Variants in WDFY4 observed in about 807,000 individuals in gnomAD.
The protein encoded by WDFY4 is WDFY family member 4, also known as WD repeat- and FYVE domain-containing protein 4.
Under a neutral mutation model 351.9 loss-of-function variants are expected in WDFY4, and 169 were observed. The observed-to-expected ratio is 0.48, with a 90% CI of 0.42 to 0.55. WDFY4 has a LOEUF of 0.55. Among genes scored for constraint, WDFY4 ranks in the 20% least tolerant of loss-of-function variants. WDFY4 has a pLI of 0.00. For synonymous variants in WDFY4, 1,622 were observed against 1,574.6 expected (o/e 1.03, Z -0.71); for missense variants, 3,803 against 3,935.6 (o/e 0.97, Z 0.90).
In WDFY4 at chr10:48,810,606, AC is replaced by A. The variant is rs1258997355; in HGVS notation, c.4917del (p.Thr1640LeufsTer5). On this transcript the variant is annotated frameshift_variant, in exon 29 of 62. Coordinates refer to ENST00000325239, the MANE Select transcript of WDFY4 (RefSeq NM_001394531.1). LOFTEE classifies it high-confidence loss of function. Reference sequence around the variant, plus strand: ...CCTGCAGGGCCACCTGCATGCCAGCACCACTGTGCTGGCATTGAAGCTGCTG... The same window carrying A: ...CCTGCAGGGCCACCTGCATGCCAGCACACTGTGCTGGCATTGAAGCTGCTG... ...LLLQGHLHAS[T>X]TVLALKLLLY... The A allele has an allele frequency of 7.7e-6, 12 of 1,551,378 alleles. No individual in the cohort carries two copies. The Admixed American group carries it at 2.4e-4, about 30-fold the overall frequency.
At chr10:48,809,310 T>A (rs1163218778) in intron 28 of WDFY4, among the ~76,000 whole-genome samples, 1 of 141,360 alleles carries the variant, frequency 7.1e-6, no homozygotes, top group Non-Finnish European at 1.5e-5. Context: ...ATCATCACCA[T>A]CACCATCATC....
At chr10:48,692,306 C>G (rs1240878557) in intron 1 of WDFY4, among the ~76,000 whole-genome samples, 2 of 152,208 alleles carry the variant, frequency 1.3e-5, no homozygotes, top group South Asian at 4.1e-4. Context: ...GCCAGGACAC[C>G]TTTACCCTAT....
At chr10:48,741,308 T>A (rs1416971207) in intron 11 of WDFY4, among the ~76,000 whole-genome samples, 1 of 151,790 alleles carries the variant, frequency 6.6e-6, no homozygotes, top group African/African-American at 2.4e-5. Flanking sequence ...CACTGTTAGG[T>A]TAGGGTGCCA....
chr10:48,741,861 A>G (rs932618811), intron 11 of WDFY4, among the ~76,000 whole-genome samples: 1 of 152,180 alleles, frequency 6.6e-6, no homozygotes, highest in Non-Finnish European at 1.5e-5. Flanking sequence ...GGAACCCACA[A>G]GGTTGTCCAC....
chr10:48,869,876 G>A (rs1002022275), intron 40 of WDFY4, among the ~76,000 whole-genome samples: 2 of 152,098 alleles, frequency 1.3e-5, no homozygotes, highest in Non-Finnish European at 2.9e-5. Context: ...TACTCATCGA[G>A]TATTTATCAC....
intron 12 of WDFY4, among the ~76,000 whole-genome samples, chr10:48,750,773 C>G (rs2065159181): frequency 6.6e-6 from 1 of 152,250 alleles, no homozygotes; most frequent in Admixed American, 6.5e-5. Flanking sequence ...CTAATAAAGG[C>G]ACTGTACATC....
intron 2 of WDFY4, among the ~76,000 whole-genome samples, chr10:48,719,733 C>T (rs549557446): frequency 6.6e-6 from 1 of 152,312 alleles, no homozygotes; most frequent in Admixed American, 6.5e-5. Flanking sequence ...ACGCCAGATG[C>T]AGCAGGCTGT....
At chr10:48,803,088 C>T (rs536186707) in intron 24 of WDFY4, among the ~76,000 whole-genome samples, 198 bp from the exon 25 acceptor site, 21 of 152,136 alleles carry the variant, frequency 1.4e-4, no homozygotes, top group Middle Eastern at 3.2e-3. Flanking sequence ...GCAGAGATGG[C>T]GAGAGAAGGC....
intron 6 of WDFY4, among the ~76,000 whole-genome samples, chr10:48,726,563 G>A (rs1342500971): frequency 6.6e-6 from 1 of 152,168 alleles, no homozygotes; most frequent in African/African-American, 2.4e-5. Context: ...AGGGGTTAAG[G>A]CCAAAGACTC....
rs763615455 is a variant in WDFY4, at chr10:48,743,079, C to T, written c.1990C>T (p.Pro664Ser). Reference protein sequence around the residue: ...LSDLEGSLQEPPLQAWGAVSP... With the variant: ...LSDLEGSLQESPLQAWGAVSP... Reference sequence around the variant, plus strand: ...TGACCTGGAAGGCTCCCTCCAGGAGCCCCCGCTGCAGGCATGGGGAGCAGT... The same window carrying T: ...TGACCTGGAAGGCTCCCTCCAGGAGTCCCCGCTGCAGGCATGGGGAGCAGT... The change falls in exon 12 of 62, where the codon CCC (proline) becomes TCC (serine). Residue 664 changes from proline (P) to serine (S), a missense_variant. Transcript: ENST00000325239. 1.3e-6 allele frequency: 2 copies of T among 1,551,694 alleles called. No individual in the cohort carries two copies. Among genetic ancestry groups the T allele is most frequent in the Non-Finnish European group, 1.7e-6 (2 of 1,147,002 alleles).
intron 24 of WDFY4, among the ~76,000 whole-genome samples, chr10:48,800,733 T>TCTTTC (rs758793039): frequency 8.2e-5 from 12 of 145,702 alleles, no homozygotes; most frequent in East Asian, 8.0e-4. Context: ...ATTCTTTCTT[T>TCTTTC]TTTTTTTTTT....
chr10:48,836,561 C>T (rs1008009460), intron 39 of WDFY4, among the ~76,000 whole-genome samples: 1 of 152,216 alleles, frequency 6.6e-6, no homozygotes, highest in Non-Finnish European at 1.5e-5. Flanking sequence ...TGGAGTGAGA[C>T]ATATGATATA....
chr10:48,728,481 G>C (rs2064343359), intron 7 of WDFY4, among the ~76,000 whole-genome samples: 1 of 152,168 alleles, frequency 6.6e-6, no homozygotes, highest in Admixed American at 6.5e-5. Context: ...GGCTTTGCTG[G>C]GCGAGAATGA....
Position 48,726,067 on chromosome 10 carries a change from C to A in WDFY4, c.778C>A (p.Gln260Lys). ...GAACCTCAGCATCATCCAGTACCTG[C>A]AGGGTATGGCCCGGGAAATTAGATG... is the stretch of plus-strand genomic sequence containing the variant. ...AQNLSIIQYL[Q>K]ATDCVRLSLQ... is the part of the protein sequence containing the mutation. Residue 260 changes from glutamine (Q) to lysine (K), a missense_variant, in exon 6 of 62, where the codon CAG (glutamine) becomes AAG (lysine). By Grantham distance (53) the Gln-to-Lys change is moderately conservative. This residue lies in a region of WDFY4 where 488 missense variants were observed against 456.8 expected (regional missense o/e 1.07). Transcript: ENST00000325239. The A allele has an allele frequency of 1.9e-6, 3 of 1,540,088 alleles. No homozygotes were observed. Among genetic ancestry groups the A allele is most frequent in the Non-Finnish European group, 2.6e-6 (3 of 1,137,594 alleles).
At chr10:48,952,009 C>T (rs1263653439) in intron 51 of WDFY4, among the ~76,000 whole-genome samples, 3 of 152,246 alleles carry the variant, frequency 2.0e-5, no homozygotes, top group Non-Finnish European at 4.4e-5. Context: ...TTCCGAACCA[C>T]CTGAGGCGAG....
At chr10:48,792,112 T>A (rs918409488) in intron 23 of WDFY4, among the ~76,000 whole-genome samples, 4 of 152,226 alleles carry the variant, frequency 2.6e-5, no homozygotes, top group African/African-American at 9.6e-5. Flanking sequence ...TTTCAGCCTA[T>A]GTTCCCACCT....
Position 48,830,828 on chromosome 10 carries a change from G to A in WDFY4, c.6469G>A (p.Glu2157Lys). ...VKPGEREVKI[E>K]EVTPLWEETM... is the part of the protein sequence containing the mutation. ...ACCTGGAGAGAGGGAAGTGAAGATT[G>A]AAGAGGTCACACCGCTCTGGGAGGA... is the stretch of plus-strand genomic sequence containing the variant. The change falls in exon 38 of 62, where the codon GAA becomes AAA. Residue 2157 changes from glutamate (E) to lysine (K), a missense_variant. Transcript: ENST00000325239. The A allele has an allele frequency of 6.4e-7, 1 of 1,551,694 alleles. No individual in the cohort carries two copies. Among genetic ancestry groups the A allele is most frequent in the Admixed American group, 2.0e-5 (1 of 51,008 alleles).
Position 48,923,506 on chromosome 10 carries a change from A to ATATATATATGTATG in WDFY4, c.7587-18293_7587-18292insATGTATGTATATAT, listed in dbSNP as rs143983467. On this transcript the variant is annotated intron_variant, in intron 47 of 61. Coordinates refer to ENST00000325239, the MANE Select transcript of WDFY4 (RefSeq NM_001394531.1). ...AACAAATAGTTTTTAGTATATATAT[A>ATATATATATGTATG]TATATATGTCCCAAATACCGCATAG... Among the ~76,000 whole-genome samples the ATATATATATGTATG allele has an allele frequency of 1.5e-3, 167 of 115,156 alleles. 8 individuals carry two copies. Among genetic ancestry groups the ATATATATATGTATG allele is most frequent in the African/African-American group, 4.4e-3 (161 of 36,604 alleles). The allele number at this position is 115,156 out of a possible 152,430, so 75.5% of individuals were successfully genotyped here. A position where few individuals can be genotyped will look rare whatever the true frequency, so the allele number is the denominator to read the frequency against.
At chr10:48,923,301 A>G (rs1423024789) in intron 47 of WDFY4, among the ~76,000 whole-genome samples, 1 of 151,958 alleles carries the variant, frequency 6.6e-6, no homozygotes, top group African/African-American at 2.4e-5. Flanking sequence ...GCAAGCTGGC[A>G]TGTCAGAAAA....
Sources: gnomAD v4.1 joint callset for allele counts (sites outside exome capture counted in the v4.1 genomes callset) on GRCh38, gnomAD v4.1.1 for gene constraint, gnomAD v4.1.1 regional missense constraint, MANE v1.5 for transcripts, NCBI Gene and HGNC (gene_info 2026-07-23, HGNC 2026-07-21) for gene names.